Variants in CDC42EP2 observed in about 807,000 individuals in gnomAD.
CDC42EP2 encodes the protein CDC42 effector protein 2.
Under a neutral mutation model 7.3 loss-of-function variants are expected in CDC42EP2, and 5 were observed. That is an observed-to-expected ratio of 0.68 (90% confidence interval 0.36 to 1.44). The LOEUF (loss-of-function observed/expected upper bound fraction) is 1.44. Among genes scored for constraint, CDC42EP2 ranks in the 40% most tolerant of loss-of-function variants. The pLI is 0.04. For synonymous variants in CDC42EP2, 113 were observed against 123.6 expected, an observed-to-expected ratio of 0.91 and a Z score of 0.57; for missense variants, 251 against 282.6, an observed-to-expected ratio of 0.89 and a Z score of 0.80.
chr11:65,321,474 G>T lies in CDC42EP2; in HGVS notation c.576G>T (p.Leu192=). The T allele has an allele frequency of 6.2e-7, 1 of 1,613,768 alleles. No homozygotes were observed. Among genetic ancestry groups the T allele is most frequent in the Non-Finnish European group, 8.5e-7 (1 of 1,179,998 alleles). The part of the protein sequence containing the change: ...SLHVDLGPSI[L]DDVLQIMDQD... ...ACGTGGACCTGGGGCCTTCCATCCT[G>T]GATGATGTCCTGCAGATCATGGATC... is the stretch of plus-strand genomic sequence containing the variant. The change falls in exon 2 of 2, where the codon CTG becomes CTT. Residue 192 remains leucine, a synonymous_variant. Coordinates refer to ENST00000279249, the MANE Select transcript of CDC42EP2 (RefSeq NM_006779.4). The surrounding 1 kb of genome is among the most constrained non-coding windows in gnomAD (Gnocchi z 4.4).
chr11:65,321,193 G>C lies in CDC42EP2; in HGVS notation c.295G>C (p.Gly99Arg). The C allele has an allele frequency of 1.2e-6, 2 of 1,613,980 alleles. No homozygotes were observed. The highest frequency in any genetic ancestry group is 1.7e-6 in the Non-Finnish European group (2 of 1,179,960). ...CGTGTGTGGGCGGGAGCTCCCGGAC[G>C]GCCCATCCCCTCTGCTCAAGAACGC... ...ATVCGRELPD[G>R]PSPLLKNAIS... Residue 99 changes from glycine to arginine, a missense_variant, in exon 2 of 2, where the codon GGC becomes CGC. Physicochemically the swap from Gly to Arg is moderately radical, Grantham distance 125. Transcript: ENST00000279249. This position sits in a 1 kb window ranked among gnomAD's most constrained non-coding sequence, Gnocchi z 4.4.
Position 65,320,601 on chromosome 11 carries a change from C to T in CDC42EP2, c.-298C>T. On this transcript the variant is annotated 5_prime_UTR_variant, in exon 2 of 2. Coordinates refer to ENST00000279249, the MANE Select transcript of CDC42EP2 (RefSeq NM_006779.4). Reference sequence around the variant, plus strand: ...TCGGTGACAAGACCAAAGTGCACTGCTGCCCACACAGTTCCTACCTTTCTG... The same window carrying T: ...TCGGTGACAAGACCAAAGTGCACTGTTGCCCACACAGTTCCTACCTTTCTG... 2.6e-6 allele frequency: 1 copy of T among 385,140 alleles called. No homozygotes were observed. 23.9% of individuals were successfully genotyped at this position (385,140 alleles called of 1,614,324 possible).
chr11:65,321,136 G>C lies in CDC42EP2; in HGVS notation c.238G>C (p.Asp80His), dbSNP rs371160142. The change falls in exon 2 of 2, where the codon GAC becomes CAC. Residue 80 changes from aspartate (D) to histidine (H), a missense_variant. Asp to His is a moderately conservative substitution (Grantham distance 81, BLOSUM62 -1). Transcript: ENST00000279249. The surrounding 1 kb of genome is among the most constrained non-coding windows in gnomAD (Gnocchi z 4.4). ...GGGGCCTGAAGAAGATGGCACCTTC[G>C]ACCTCCCCTTCCAGTTCACCCGCAC... ...VEGPEEDGTF[D>H]LPFQFTRTAT... 1.1e-5 allele frequency: 18 copies of C among 1,613,946 alleles called. No homozygotes were observed. In the African/African-American group the frequency reaches 2.0e-4, roughly 18 times the overall value.
rs778102151 is a variant in CDC42EP2 at position 65,320,957 on chromosome 11, A to G, written c.59A>G (p.Lys20Arg). The part of the protein sequence containing the change: ...KRGSRKGKKE[K>R]LRDLLSSDMI... ...GGCAGTCGCAAGGGCAAGAAGGAGA[A>G]GCTTCGGGACCTGCTGTCCTCGGAC... The change falls in exon 2 of 2, where the codon AAG (lysine) becomes AGG (arginine). Residue 20 changes from lysine to arginine, a missense_variant. Coordinates refer to ENST00000279249, the MANE Select transcript of CDC42EP2 (RefSeq NM_006779.4). 9 of 1,612,376 alleles carry G rather than the reference A, an allele frequency of 5.6e-6. 1 individual carries two copies. In the South Asian group the frequency reaches 8.8e-5, roughly 16 times the overall value.
intron 1 of CDC42EP2, among the ~76,000 whole-genome samples, chr11:65,319,191 C>T (rs966795952): frequency 3.4e-5 from 5 of 148,156 alleles, no homozygotes; most frequent in South Asian, 2.1e-4. Context: ...TGCCGTGGGG[C>T]GATCTCGGCC....
intron 1 of CDC42EP2, among the ~76,000 whole-genome samples, chr11:65,316,385 T>G (rs1949947824): frequency 5.3e-5 from 8 of 151,992 alleles, no homozygotes; most frequent in Admixed American, 5.2e-4. Context: ...GAGACCTCAT[T>G]CTCATATCTC....
intron 1 of CDC42EP2, among the ~76,000 whole-genome samples, chr11:65,319,108 C>T (rs1949961940): frequency 6.7e-6 from 1 of 149,710 alleles, no homozygotes; most frequent in South Asian, 2.1e-4. Flanking sequence ...ACCTCAGGTT[C>T]AATTTTGAAT....
rs1949968992 is a variant in CDC42EP2, at chr11:65,320,572, A to G, written c.-327A>G. The G allele has an allele frequency of 3.3e-6, 1 of 298,882 alleles. No individual in the cohort carries two copies. Among genetic ancestry groups the G allele is most frequent in the South Asian group, 5.2e-5 (1 of 19,122 alleles). The allele number at this position is 298,882 out of a possible 1,614,324, so 18.5% of individuals were successfully genotyped here. On this transcript the variant is annotated 5_prime_UTR_variant, in exon 2 of 2. Transcript: ENST00000279249. ...CTCAGCCCTGGACCGGGGACAAGTA[A>G]CCCTCGGTGACAAGACCAAAGTGCA...
At chr11:65,320,378 G>A (rs774365622) in intron 1 of CDC42EP2, among the ~76,000 whole-genome samples, 166 bp from the exon 2 acceptor site, 3 of 152,204 alleles carry the variant, frequency 2.0e-5, no homozygotes, top group Non-Finnish European at 2.9e-5. Context: ...GGCTGAGGCA[G>A]AAGAATTGCT....
chr11:65,319,672 C>T (rs1949964525), intron 1 of CDC42EP2, among the ~76,000 whole-genome samples: 2 of 152,140 alleles, frequency 1.3e-5, no homozygotes, highest in African/African-American at 2.4e-5. Flanking sequence ...AAACACGACC[C>T]CACCTCCAGG....
At position 65,321,449 on chromosome 11, in the gene CDC42EP2, A is replaced by C; in HGVS notation, c.551A>C (p.His184Pro). The change falls in exon 2 of 2, where the codon CAC becomes CCC. Residue 184 changes from histidine (H) to proline (P), a missense_variant. By Grantham distance (77) the His-to-Pro change is moderately conservative (BLOSUM62 -2). Coordinates refer to ENST00000279249, the MANE Select transcript of CDC42EP2 (RefSeq NM_006779.4). This position sits in a 1 kb window ranked among gnomAD's most constrained non-coding sequence, Gnocchi z 4.4. ...AATGCCAGCTCCCTGCTGTCCCTGCACGTGGACCTGGGGCCTTCCATCCTG... is the reference window on the plus strand; with the variant it reads ...AATGCCAGCTCCCTGCTGTCCCTGCCCGTGGACCTGGGGCCTTCCATCCTG... ...LSNASSLLSLHVDLGPSILDD... is the reference protein window; with the variant it reads ...LSNASSLLSLPVDLGPSILDD... The C allele has an allele frequency of 6.2e-7, 1 of 1,613,722 alleles. No homozygotes were observed. The highest frequency in any genetic ancestry group is 8.5e-7 in the Non-Finnish European group (1 of 1,179,972).
rs1237654793 is a variant in CDC42EP2, at chr11:65,321,422, C to T, written c.524C>T (p.Ser175Phe). ...TCAGGGGCCGAGGAGCCCTTCCTGT[C>T]CAATGCCAGCTCCCTGCTGTCCCTG... ...PESGAEEPFL[S>F]NASSLLSLHV... The change falls in exon 2 of 2, where the codon TCC becomes TTC. Residue 175 changes from serine (S) to phenylalanine (F), a missense_variant. Physicochemically the swap from Ser to Phe is radical, Grantham distance 155. Coordinates refer to ENST00000279249, the MANE Select transcript of CDC42EP2 (RefSeq NM_006779.4). The surrounding 1 kb of genome is among the most constrained non-coding windows in gnomAD (Gnocchi z 4.4). 20 of 1,613,710 alleles carry T rather than the reference C, an allele frequency of 1.2e-5. No homozygotes were observed. Among genetic ancestry groups the T allele is most frequent in the Non-Finnish European group, 1.6e-5 (19 of 1,180,018 alleles).
intron 1 of CDC42EP2, among the ~76,000 whole-genome samples, chr11:65,318,869 T>A (rs11602171): frequency 4.4e-5 from 2 of 45,922 alleles, no homozygotes; most frequent in Admixed American, 1.9e-4. Context: ...TGCACCTGAC[T>A]TTTTTTTTTT....
chr11:65,319,790 A>G (rs1477397207), intron 1 of CDC42EP2, among the ~76,000 whole-genome samples: 2 of 152,208 alleles, frequency 1.3e-5, no homozygotes, highest in African/African-American at 2.4e-5. Flanking sequence ...GACAGTGGTC[A>G]CAAAGCTCTC....
Position 65,321,354 on chromosome 11 carries a change from G to A in CDC42EP2, c.456G>A (p.Arg152=), listed in dbSNP as rs146983039. 4.6e-5 allele frequency: 75 copies of A among 1,613,794 alleles called. No homozygotes were observed. The highest frequency in any genetic ancestry group is 6.0e-5 in the Non-Finnish European group (71 of 1,180,036). The change falls in exon 2 of 2, where the codon AGG becomes AGA. Residue 152 remains arginine, a synonymous_variant. Coordinates refer to ENST00000279249, the MANE Select transcript of CDC42EP2 (RefSeq NM_006779.4). The surrounding 1 kb of genome is among the most constrained non-coding windows in gnomAD (Gnocchi z 4.4). ...AGGGAGGGAGTGTGGACATCTGGAG[G>A]ATTCCAGAGACTGGCTCCCCCAACA... The part of the protein sequence containing the change: ...PQEGGSVDIW[R]IPETGSPNSG...
At chr11:65,316,653 G>A (rs1175839568) in intron 1 of CDC42EP2, among the ~76,000 whole-genome samples, 1 of 152,142 alleles carries the variant, frequency 6.6e-6, no homozygotes, top group East Asian at 1.9e-4. Flanking sequence ...TCTGTAAAGG[G>A]CCGTAATGAC....
At chr11:65,319,156 T>C (rs1019713430) in intron 1 of CDC42EP2, among the ~76,000 whole-genome samples, 17 of 144,898 alleles carry the variant, frequency 1.2e-4, no homozygotes, top group Non-Finnish European at 2.0e-4. Flanking sequence ...TTTGATGGAG[T>C]CTTCCTCTGT....
chr11:65,318,421 A>ATT lies in CDC42EP2; in HGVS notation c.-355-2104_-355-2103dup, dbSNP rs1279340276. On this transcript the variant is annotated intron_variant, in intron 1 of 1. Transcript: ENST00000279249. ...AGACCTGCGCCACCACACCTGGCAA[A>ATT]TTTTTTTTTTTTTTTTTTTTGAGAT... is the stretch of plus-strand genomic sequence containing the variant. Among the ~76,000 whole-genome samples, 1,103 of 114,034 alleles carry ATT rather than the reference A, an allele frequency of 9.7e-3. 30 individuals are homozygous for ATT. The highest frequency in any genetic ancestry group is 0.037 in the African/African-American group (1,024 of 27,598). 74.8% of individuals were successfully genotyped at this position (114,034 alleles called of 152,430 possible).
At position 65,319,645 on chromosome 11, in the gene CDC42EP2, T is replaced by G. The variant is rs1047465988; in HGVS notation, c.-355-899T>G. Among the ~76,000 whole-genome samples, 4 of 152,236 alleles carry G rather than the reference T, an allele frequency of 2.6e-5. No individual in the cohort carries two copies. The South Asian group carries it at 8.3e-4, about 32-fold the overall frequency. ...CTCAGCCCCTACCCATAAGGAACTC[T>G]TAATAGGCAGAGGAGAAAACACGAC... On this transcript the variant is annotated intron_variant, in intron 1 of 1. Transcript: ENST00000279249.
Sources: gnomAD v4.1 joint callset for allele counts (sites outside exome capture counted in the v4.1 genomes callset) on GRCh38, gnomAD v4.1.1 for gene constraint, Gnocchi (gnomAD v3.1) non-coding constraint, MANE v1.5 for transcripts, NCBI Gene and HGNC (gene_info 2026-07-23, HGNC 2026-07-21) for gene names.